Variants in PCDHA11 observed in about 807,000 individuals in gnomAD.
The protein encoded by PCDHA11 is protocadherin alpha-11.
Under a neutral mutation model 70.3 loss-of-function variants are expected in PCDHA11, and 61 were observed. That is an observed-to-expected ratio of 0.87 (90% CI 0.71 to 1.07). The LOEUF is 1.07. Among genes scored for constraint, PCDHA11 ranks in the 50% least tolerant of loss-of-function variants. The pLI, the probability that PCDHA11 is intolerant of heterozygous loss-of-function variation, is 0.00. For missense variants in PCDHA11, 1,324 were observed against 1,237.5 expected (o/e 1.07, Z -1.05); for synonymous variants, 633 against 555.1 (o/e 1.14, Z -1.97).
At chr5:140,910,837 A>G (rs1217601068) in intron 1 of PCDHA11, among the ~76,000 whole-genome samples, 1 of 152,188 alleles carries the variant, frequency 6.6e-6, no homozygotes, top group Non-Finnish European at 1.5e-5. Context: ...GCCTGATCCA[A>G]TGCCTTGGAT....
At position 140,876,399 on chromosome 5, in the gene PCDHA11, T is replaced by C. The variant is rs141337647; in HGVS notation, c.2391+4905T>C. The C allele has an allele frequency of 1.9e-4, 306 of 1,613,906 alleles. 1 individual carries two copies. In the African/African-American group the frequency reaches 3.4e-3, roughly 18 times the overall value. On this transcript the variant is annotated intron_variant, in intron 1 of 3. Transcript: ENST00000398640. Reference sequence around the variant, plus strand: ...AAATTAGAATTTATGGTGAACTGGATTTTGAAGAGAATAATGCCTATGAAA... The same window carrying C: ...AAATTAGAATTTATGGTGAACTGGACTTTGAAGAGAATAATGCCTATGAAA...
intron 1 of PCDHA11, chr5:140,968,462 A>G: frequency 6.2e-7 from 1 of 1,614,104 alleles, no homozygotes; most frequent in African/African-American, 1.3e-5. Flanking sequence ...TGTGACTGCC[A>G]ACGTATATGT....
At chr5:140,895,143 A>T (rs115893558) in intron 1 of PCDHA11, among the ~76,000 whole-genome samples, 1 of 152,158 alleles carries the variant, frequency 6.6e-6, no homozygotes, top group African/African-American at 2.4e-5. Flanking sequence ...CATAGGGCTA[A>T]GACAGGTTTA....
intron 1 of PCDHA11, among the ~76,000 whole-genome samples, chr5:140,965,278 C>T (rs1554227554): frequency 6.6e-6 from 1 of 152,176 alleles, no homozygotes; most frequent in African/African-American, 2.4e-5. Flanking sequence ...AATGACACAG[C>T]ATGGAAAGAT....
At chr5:140,996,275 C>T (rs534624070) in intron 3 of PCDHA11, among the ~76,000 whole-genome samples, 43 of 152,224 alleles carry the variant, frequency 2.8e-4, no homozygotes, top group African/African-American at 8.7e-4. Flanking sequence ...GGGATTGCTG[C>T]CAAATTTCAA....
At chr5:140,976,203 A>T (rs1301475935) in intron 1 of PCDHA11, among the ~76,000 whole-genome samples, 1 of 152,220 alleles carries the variant, frequency 6.6e-6, no homozygotes, top group East Asian at 1.9e-4. Flanking sequence ...GAAACTCAGA[A>T]GTAAAAAAGA....
chr5:140,869,858 T>C lies in PCDHA11; in HGVS notation c.755T>C (p.Met252Thr), dbSNP rs1554163543. 3.1e-6 allele frequency: 5 copies of C among 1,610,642 alleles called. No individual in the cohort carries two copies. The highest frequency in any genetic ancestry group is 4.5e-5 in the East Asian group (2 of 44,844). ...AAATCAGAATATAAGGTGAGCCTTA[T>C]GGAAAATGCTGCTAAAGAAACTCTT... is the stretch of plus-strand genomic sequence containing the variant. Reference protein sequence around the residue: ...FDKSEYKVSLMENAAKETLVL... With the variant: ...FDKSEYKVSLTENAAKETLVL... The change falls in exon 1 of 4, where the codon ATG (methionine) becomes ACG (threonine). Residue 252 changes from methionine to threonine, a missense_variant. By Grantham distance (81) the Met-to-Thr change is moderately conservative. Coordinates refer to ENST00000398640, the MANE Select transcript of PCDHA11 (RefSeq NM_018902.5).
At chr5:140,903,347 A>C (rs1393300562) in intron 1 of PCDHA11, among the ~76,000 whole-genome samples, 2 of 152,228 alleles carry the variant, frequency 1.3e-5, no homozygotes, top group Non-Finnish European at 2.9e-5. Context: ...GCATTTTAAA[A>C]AACAAGTTTT....
At chr5:140,982,436 T>G (rs782353079) in intron 2 of PCDHA11, 39 bp from the exon 3 acceptor site, 18 of 1,613,262 alleles carry the variant, frequency 1.1e-5, no homozygotes, top group Non-Finnish European at 1.5e-5. Context: ...GGAAAGAATT[T>G]ATGATCTAAC....
chr5:140,933,753 G>A (rs1554209575), intron 1 of PCDHA11, among the ~76,000 whole-genome samples: 1 of 151,976 alleles, frequency 6.6e-6, no homozygotes. Context: ...GAATTCACTA[G>A]TGAAGCTCTC....
rs377081112 is a variant in PCDHA11 at position 140,871,063 on chromosome 5, G to T, written c.1960G>T (p.Gly654Cys). The T allele has an allele frequency of 1.1e-5, 18 of 1,613,154 alleles. No homozygotes were observed. In the African/African-American group the frequency reaches 2.0e-4, roughly 18 times the overall value. The change falls in exon 1 of 4, where the codon GGT becomes TGT. Residue 654 changes from glycine (G) to cysteine (C), a missense_variant. Transcript: ENST00000398640. ...ACTTCTAGTACTGGTGAAGGATCAC[G>T]GTGAGCCGGCGCTGACGGCCACGGC... ...HRLLVLVKDH[G>C]EPALTATATV...
At chr5:140,970,663 CAAAT>C (rs1216768545) in intron 1 of PCDHA11, among the ~76,000 whole-genome samples, 1 of 152,136 alleles carries the variant, frequency 6.6e-6, no homozygotes, top group Non-Finnish European at 1.5e-5. Flanking sequence ...GTTATCTTTC[CAAAT>C]AACTACTTTG....
chr5:140,898,505 T>A (rs1367691811), intron 1 of PCDHA11, among the ~76,000 whole-genome samples: 1 of 152,202 alleles, frequency 6.6e-6, no homozygotes, highest in East Asian at 1.9e-4. Flanking sequence ...GTTGTAGATA[T>A]GCGGCGTTAT....
chr5:140,887,391 C>T lies in PCDHA11; in HGVS notation c.2391+15897C>T, dbSNP rs181873563. ...GATTACAGGTGTGAGCCACCGCGCC[C>T]GGCTCTTTATCTCATTTTTATTTTT... On this transcript the variant is annotated intron_variant, in intron 1 of 3. Coordinates refer to ENST00000398640, the MANE Select transcript of PCDHA11 (RefSeq NM_018902.5). Among the ~76,000 whole-genome samples, 23 of 152,222 alleles carry T rather than the reference C, an allele frequency of 1.5e-4. 1 individual carries two copies. Among genetic ancestry groups the T allele is most frequent in the African/African-American group, 4.8e-4 (20 of 41,540 alleles).
chr5:140,913,526 A>T (rs1171997127), intron 1 of PCDHA11, among the ~76,000 whole-genome samples: 1 of 151,968 alleles, frequency 6.6e-6, no homozygotes, highest in Non-Finnish European at 1.5e-5. Flanking sequence ...TTATCTTTTC[A>T]AAAGATTGAC....
At chr5:140,947,238 A>G (rs1252869330) in intron 1 of PCDHA11, among the ~76,000 whole-genome samples, 2 of 151,618 alleles carry the variant, frequency 1.3e-5, no homozygotes, top group Non-Finnish European at 3.0e-5. Flanking sequence ...GGAAAAAAAA[A>G]TAAGATAATC....
intron 1 of PCDHA11, chr5:140,966,646 G>T (rs2096032297): frequency 4.4e-6 from 5 of 1,139,570 alleles, no homozygotes; most frequent in Non-Finnish European, 4.6e-6. Flanking sequence ...TTTCTAGAGC[G>T]TGAGCGGTGG....
chr5:140,891,931 G>A (rs2063313924), intron 1 of PCDHA11, among the ~76,000 whole-genome samples: 1 of 152,168 alleles, frequency 6.6e-6, no homozygotes, highest in Non-Finnish European at 1.5e-5. Flanking sequence ...CTTGATCTTG[G>A]ACTTCCCCTA....
At chr5:140,877,798 CT>C (rs782663782) in intron 1 of PCDHA11, 1 of 1,613,568 alleles carries the variant, frequency 6.2e-7, no homozygotes, top group Non-Finnish European at 8.5e-7. Context: ...CAGCCCAAGC[CT>C]TCAGCTGTCT....
Sources: gnomAD v4.1 joint callset for allele counts (sites outside exome capture counted in the v4.1 genomes callset) on GRCh38, gnomAD v4.1.1 for gene constraint, MANE v1.5 for transcripts, NCBI Gene and HGNC (gene_info 2026-07-23, HGNC 2026-07-21) for gene names.